Variants in CHLSN observed in about 807,000 individuals in gnomAD.
CHLSN encodes cholesin.
the CHLSN span, among the ~76,000 whole-genome samples, chr7:984,008 C>A: frequency 6.6e-6 from 1 of 152,126 alleles, no homozygotes. Flanking sequence ...TGCTGCTGGC[C>A]GGGCTGTAGC....
the CHLSN span, among the ~76,000 whole-genome samples, chr7:999,544 C>T: frequency 4.7e-4 from 72 of 152,226 alleles, no homozygotes; most frequent in Admixed American, 1.6e-3. Context: ...CACTGCACTC[C>T]AGCCTGGGCG....
the CHLSN span, chr7:988,883 CCT>C: frequency 9.6e-7 from 1 of 1,045,416 alleles, no homozygotes; most frequent in South Asian, 1.5e-5. Context: ...GTCCTCCCAC[CCT>C]CTCTCCTCCC....
chr7:1,108,422 T>A, the CHLSN span, among the ~76,000 whole-genome samples: 1 of 151,818 alleles, frequency 6.6e-6, no homozygotes, highest in Admixed American at 6.5e-5. Context: ...GGGGGGCTGC[T>A]CTCCTTGGCG....
chr7:1,094,912 C>T, the CHLSN span, among the ~76,000 whole-genome samples: 2 of 152,184 alleles, frequency 1.3e-5, no homozygotes, highest in African/African-American at 4.8e-5. Flanking sequence ...GTGCCCACTT[C>T]TATCAGGATT....
chr7:1,071,660 C>G, the CHLSN span, among the ~76,000 whole-genome samples: 1 of 152,156 alleles, frequency 6.6e-6, no homozygotes, highest in Non-Finnish European at 1.5e-5. Context: ...GCAAAGGCAC[C>G]GGGTGGGAGG....
At chr7:1,056,704 C>T in the CHLSN span, 1 of 152,246 alleles carries the variant, frequency 6.6e-6, no homozygotes, top group Non-Finnish European at 1.5e-5. Flanking sequence ...CCTCACTGCT[C>T]TTGCCTCCGG....
chr7:1,055,237 C>G, the CHLSN span: 2 of 471,044 alleles, frequency 4.2e-6, no homozygotes, highest in Admixed American at 4.7e-5. Flanking sequence ...GGCGGTGGCG[C>G]CTGCCAAGGG....
the CHLSN span, among the ~76,000 whole-genome samples, chr7:1,096,516 C>T: frequency 2.6e-5 from 4 of 152,198 alleles, no homozygotes; most frequent in East Asian, 1.9e-4. This position sits in a 1 kb window ranked among gnomAD's most constrained non-coding sequence, Gnocchi z 4.6. Flanking sequence ...CAGCCACACA[C>T]GCCCTTCTCA....
chr7:1,035,273 G>A, the CHLSN span, among the ~76,000 whole-genome samples: 1 of 152,372 alleles, frequency 6.6e-6, no homozygotes, highest in African/African-American at 2.4e-5. Flanking sequence ...ATTGTGAACA[G>A]TGCTGGGCTG....
At chr7:1,013,304 A>T in the CHLSN span, among the ~76,000 whole-genome samples, 2 of 152,234 alleles carry the variant, frequency 1.3e-5, no homozygotes, top group Non-Finnish European at 1.5e-5. Context: ...CAAACTTGAC[A>T]CTATCACATA....
At chr7:1,008,273 TGCACTAACG>T in the CHLSN span, among the ~76,000 whole-genome samples, 1 of 152,308 alleles carries the variant, frequency 6.6e-6, no homozygotes, top group South Asian at 2.1e-4. Flanking sequence ...CTCGAGACGC[TGCACTAACG>T]GCCTCTGAAG....
the CHLSN span, among the ~76,000 whole-genome samples, chr7:1,064,287 T>C: frequency 6.6e-6 from 1 of 152,126 alleles, no homozygotes; most frequent in Non-Finnish European, 1.5e-5. Flanking sequence ...GACCAGGCCC[T>C]TAGCAGCCAC....
the CHLSN span, among the ~76,000 whole-genome samples, chr7:1,019,961 G>A: frequency 6.6e-6 from 1 of 152,248 alleles, no homozygotes; most frequent in East Asian, 1.9e-4. Context: ...CGGGGCACCT[G>A]GACGAGGGCA....
the CHLSN span, among the ~76,000 whole-genome samples, chr7:1,030,556 C>G: frequency 2.6e-5 from 4 of 152,216 alleles, no homozygotes; most frequent in African/African-American, 9.7e-5. Context: ...GAGGGGGAAC[C>G]AAGCCCAGCA....
At chr7:1,105,217 A>G in the CHLSN span, among the ~76,000 whole-genome samples, 1 of 152,178 alleles carries the variant, frequency 6.6e-6, no homozygotes, top group African/African-American at 2.4e-5. Context: ...AAAATACCAA[A>G]CGTATACTGT....
At chr7:1,092,080 AACCTGC>A in the CHLSN span, 1 of 1,613,968 alleles carries the variant, frequency 6.2e-7, no homozygotes, top group African/African-American at 1.3e-5. Context: ...TGAGGTGTTC[AACCTGC>A]ACGAGCGGTA....
chr7:1,035,937 A>G, the CHLSN span, among the ~76,000 whole-genome samples: 1 of 151,834 alleles, frequency 6.6e-6, no homozygotes, highest in Non-Finnish European at 1.5e-5. Flanking sequence ...CAGACAGCAC[A>G]AGAAAGGCTC....
the CHLSN span, among the ~76,000 whole-genome samples, chr7:1,103,566 C>A: frequency 6.6e-6 from 1 of 152,342 alleles, no homozygotes; most frequent in Non-Finnish European, 1.5e-5. Flanking sequence ...AAACTGTTGA[C>A]AAAGCCAGAC....
At chr7:1,064,199 G>T in the CHLSN span, among the ~76,000 whole-genome samples, 1 of 152,192 alleles carries the variant, frequency 6.6e-6, no homozygotes, top group Non-Finnish European at 1.5e-5. Context: ...ACCGGAAGAG[G>T]CTTCACACGC....
Sources: gnomAD v4.1 joint callset for allele counts (sites outside exome capture counted in the v4.1 genomes callset) on GRCh38, gnomAD v4.1.1 for gene constraint, Gnocchi (gnomAD v3.1) non-coding constraint, MANE v1.5 for transcripts, NCBI Gene and HGNC (gene_info 2026-07-23, HGNC 2026-07-21) for gene names.